The following KLRD1 variants were observed in gnomAD, a reference collection of about 807,000 sequenced individuals.
The protein encoded by KLRD1 is natural killer cells antigen CD94.
Under a neutral mutation model 22.6 loss-of-function variants are expected in KLRD1, and 21 were observed. The observed-to-expected ratio is 0.93, with a 90% CI of 0.66 to 1.34. The LOEUF (loss-of-function observed/expected upper bound fraction) is 1.34. Among genes scored for constraint, KLRD1 ranks in the 40% most tolerant of loss-of-function variants. KLRD1 has a pLI of 0.00. For synonymous variants in KLRD1, 59 were observed against 71.1 expected, an observed-to-expected ratio of 0.83 and a Z score of 0.85; for missense variants, 183 against 208.6, an observed-to-expected ratio of 0.88 and a Z score of 0.76.
intron 1 of KLRD1, among the ~76,000 whole-genome samples, chr12:10,272,188 G>A (rs1007603861): frequency 5.3e-5 from 8 of 152,102 alleles, no homozygotes; most frequent in South Asian, 2.1e-4. Context: ...ATGAAAAGCC[G>A]TTATCTAATT....
upstream of KLRD1, among the ~76,000 whole-genome samples, chr12:10,301,897 A>G (rs1600130): frequency 0.57 from 86,000 of 151,972 alleles, 24,780 homozygotes; most frequent in Middle Eastern, 0.67. Context: ...AACTAGCCAA[A>G]TTTTGGCATT....
chr12:10,316,127 A>AAAG lies in KLRD1; in HGVS notation c.*1336_*1337insGAA, dbSNP rs1950221318. 6.6e-6 allele frequency: 1 copy of AAAG among 151,366 alleles called. No individual in the cohort carries two copies. The highest frequency in any genetic ancestry group is 1.5e-5 in the Non-Finnish European group (1 of 67,810). 9.4% of individuals were successfully genotyped at this position (151,366 alleles called of 1,614,324 possible). On this transcript the variant is annotated 3_prime_UTR_variant, in exon 6 of 6. Coordinates refer to ENST00000336164, the MANE Select transcript of KLRD1 (RefSeq NM_002262.5). The stretch of plus-strand genomic sequence containing the variant: ...AGCCAGACTCCTCTCCAAAAAAAAA[A>AAAG]AAAAAAAAAAAAGATGAAAGGATTT...
rs1219394986 is a variant in KLRD1 at position 10,250,569 on chromosome 12, T to C, written c.-101+24336T>C. 2.0e-5 allele frequency among the ~76,000 whole-genome samples: 3 copies of C among 152,042 alleles called. No individual in the cohort carries two copies. The East Asian group carries it at 5.8e-4, about 29-fold the overall frequency. On this transcript the variant is annotated intron_variant, in intron 1 of 5. Coordinates refer to the KLRD1 transcript ENST00000544747. Reference sequence around the variant, plus strand: ...GCCTCCTGGGTTCAACTGATTCTCCTACCTCAGCCTCCAGAGCAGCTGGGA... The same window carrying C: ...GCCTCCTGGGTTCAACTGATTCTCCCACCTCAGCCTCCAGAGCAGCTGGGA...
At chr12:10,264,778 T>C (rs1426214857) in intron 1 of KLRD1, among the ~76,000 whole-genome samples, 1 of 152,044 alleles carries the variant, frequency 6.6e-6, no homozygotes, top group Non-Finnish European at 1.5e-5. Context: ...ATAATTACCA[T>C]GGTGAACATT....
intron 1 of KLRD1, among the ~76,000 whole-genome samples, chr12:10,262,428 G>A (rs972015409): frequency 6.6e-6 from 1 of 152,048 alleles, no homozygotes; most frequent in African/African-American, 2.4e-5. Flanking sequence ...GTTTTCAATT[G>A]TCCTCCCTAA....
chr12:10,281,052 G>A (rs912329303), intron 1 of KLRD1, among the ~76,000 whole-genome samples: 2 of 152,190 alleles, frequency 1.3e-5, no homozygotes, highest in African/African-American at 2.4e-5. Context: ...GAGATACTTA[G>A]GAGAAGTGAG....
intron 1 of KLRD1, among the ~76,000 whole-genome samples, chr12:10,274,440 A>G (rs1318906173): frequency 6.6e-6 from 1 of 152,216 alleles, no homozygotes; most frequent in East Asian, 1.9e-4. Context: ...AACACACTTT[A>G]AGGAAAAATG....
chr12:10,246,933 C>CTT (rs71049075), intron 1 of KLRD1, among the ~76,000 whole-genome samples: 9 of 58,372 alleles, frequency 1.5e-4, no homozygotes, highest in South Asian at 5.5e-4. Context: ...CTTTTCTTTT[C>CTT]TTTTTTTTTT....
At chr12:10,301,091 C>T (rs1010743384), upstream of KLRD1, among the ~76,000 whole-genome samples, 2 of 152,120 alleles carry the variant, frequency 1.3e-5, no homozygotes, top group African/African-American at 4.8e-5. Context: ...ATGGCCCCAC[C>T]CCCAAATTTC....
chr12:10,313,375 A>C (rs548526170), intron 4 of KLRD1, 35 bp from the exon 5 acceptor site: 1 of 1,255,888 alleles, frequency 8.0e-7, no homozygotes, highest in East Asian at 2.4e-5. Context: ...ATAGATTAAA[A>C]TTAGATTAAT....
At chr12:10,247,508 T>C (rs1949303544) in intron 1 of KLRD1, among the ~76,000 whole-genome samples, 1 of 152,198 alleles carries the variant, frequency 6.6e-6, no homozygotes, top group Non-Finnish European at 1.5e-5. Context: ...TGCAGTGTTT[T>C]GTGTGTTTTT....
chr12:10,301,467 G>A (rs537065359), upstream of KLRD1, among the ~76,000 whole-genome samples: 1 of 152,188 alleles, frequency 6.6e-6, no homozygotes, highest in African/African-American at 2.4e-5. Context: ...TCCAACCCCT[G>A]CCCTCCACAA....
At chr12:10,245,949 G>T (rs1220392857) in intron 1 of KLRD1, among the ~76,000 whole-genome samples, 1 of 152,128 alleles carries the variant, frequency 6.6e-6, no homozygotes, top group Non-Finnish European at 1.5e-5. Context: ...CTCCCAATGT[G>T]CTGGGATTAC....
chr12:10,250,787 G>A (rs1300151980), intron 1 of KLRD1, among the ~76,000 whole-genome samples: 4 of 152,090 alleles, frequency 2.6e-5, no homozygotes, highest in African/African-American at 7.3e-5. Context: ...TGGTTTCAAA[G>A]TCACATAATA....
At chr12:10,276,994 CTAGTTTTGTGTGGT>C (rs1401532838) in intron 1 of KLRD1, among the ~76,000 whole-genome samples, 1 of 151,804 alleles carries the variant, frequency 6.6e-6, no homozygotes, top group Non-Finnish European at 1.5e-5. Context: ...ACCATTAAGT[CTAGTTTTGTGTGGT>C]TAGGGCATGG....
At position 10,281,792 on chromosome 12, in the gene KLRD1, C is replaced by T. The variant is rs575534805; in HGVS notation, c.-100-26186C>T. Among the ~76,000 whole-genome samples, 11 of 152,162 alleles carry T rather than the reference C, an allele frequency of 7.2e-5. No homozygotes were observed. The South Asian group carries it at 8.3e-4, about 11-fold the overall frequency. On this transcript the variant is annotated intron_variant, in intron 1 of 5. Coordinates refer to the KLRD1 transcript ENST00000544747. ...CCCGTGACTGAACATGACTAAGAGA[C>T]GATTATCTGAGAATTACTTACATAA...
chr12:10,296,396 A>G (rs1357659555), intron 1 of KLRD1, among the ~76,000 whole-genome samples: 2 of 152,072 alleles, frequency 1.3e-5, no homozygotes, highest in African/African-American at 2.4e-5. Flanking sequence ...GACACCTGTA[A>G]TCCCAGCTAC....
intron 1 of KLRD1, among the ~76,000 whole-genome samples, chr12:10,278,116 T>A (rs919175497): frequency 2.0e-5 from 3 of 152,202 alleles, no homozygotes; most frequent in Non-Finnish European, 4.4e-5. Flanking sequence ...TATTGTTTTC[T>A]GGAGGAGGAG....
chr12:10,296,109 C>T (rs2537785), intron 1 of KLRD1, among the ~76,000 whole-genome samples: 148,945 of 152,340 alleles, frequency 0.98, 72,897 homozygotes, highest in East Asian at 1. Context: ...AGAAAGAGCA[C>T]CTTGCCACAG....
Sources: gnomAD v4.1 joint callset for allele counts (sites outside exome capture counted in the v4.1 genomes callset) on GRCh38, gnomAD v4.1.1 for gene constraint, MANE v1.5 for transcripts, NCBI Gene and HGNC (gene_info 2026-07-23, HGNC 2026-07-21) for gene names.